SMOC1: variants seen among roughly 807,000 people sequenced by gnomAD.
SMOC1 encodes the protein SPARC related modular calcium binding 1.
Under a neutral mutation model 56.3 loss-of-function variants are expected in SMOC1, and 22 were observed. The ratio of observed to expected loss-of-function variants is 0.39; its 90% CI spans 0.28 to 0.56. SMOC1 has a LOEUF of 0.56. SMOC1 is among the 20% of genes least tolerant of loss of function. The pLI is 0.61. For missense variants in SMOC1, 509 were observed against 565.4 expected (o/e 0.90, Z 1.01); for synonymous variants, 193 against 215.0 (o/e 0.90, Z 0.89).
chr14:69,902,664 C>T (rs1038913072), intron 1 of SMOC1, among the ~76,000 whole-genome samples: 19 of 151,908 alleles, frequency 1.3e-4, no homozygotes, highest in East Asian at 3.9e-4. Context: ...CCTCTGATGC[C>T]GAGCCGAAGC....
chr14:69,890,493 C>T (rs963379983), intron 1 of SMOC1, among the ~76,000 whole-genome samples: 6 of 152,038 alleles, frequency 3.9e-5, no homozygotes, highest in Admixed American at 3.3e-4. Flanking sequence ...AACACAATTT[C>T]GTTTACAATG....
intron 1 of SMOC1, among the ~76,000 whole-genome samples, chr14:69,882,362 A>G (rs1427824624): frequency 1.3e-5 from 2 of 152,122 alleles, no homozygotes; most frequent in Non-Finnish European, 2.9e-5. Context: ...TTTCAGTTTA[A>G]CTTTATCTGG....
chr14:69,974,235 G>A (rs1445018012), intron 3 of SMOC1, among the ~76,000 whole-genome samples: 2 of 152,268 alleles, frequency 1.3e-5, no homozygotes, highest in South Asian at 2.1e-4. Context: ...CAGTGATAAG[G>A]GCTGTGATTT....
At chr14:69,912,128 C>T (rs1884569977) in intron 1 of SMOC1, among the ~76,000 whole-genome samples, 1 of 152,050 alleles carries the variant, frequency 6.6e-6, no homozygotes, top group South Asian at 2.1e-4. Flanking sequence ...GATGTTGTTT[C>T]CAAATGAAGT....
intron 7 of SMOC1, among the ~76,000 whole-genome samples, chr14:69,994,866 C>T (rs372774571): frequency 6.6e-6 from 1 of 152,276 alleles, no homozygotes; most frequent in East Asian, 1.9e-4. Context: ...ACAGTCATGT[C>T]TTCTCTGGTC....
intron 1 of SMOC1, among the ~76,000 whole-genome samples, chr14:69,891,960 A>G (rs536404990): frequency 1.5e-3 from 229 of 152,260 alleles, no homozygotes; most frequent in African/African-American, 5.3e-3. Flanking sequence ...TTTGTAAATT[A>G]CCTGCCCAGG....
At chr14:70,023,500 C>T in intron 11 of SMOC1, 53 bp downstream of exon 11, 1 of 1,612,490 alleles carries the variant, frequency 6.2e-7, no homozygotes, top group Non-Finnish European at 8.5e-7. Context: ...CCCACCCAGG[C>T]ATGGGACCAA....
chr14:69,933,159 G>A (rs985665847), intron 1 of SMOC1, among the ~76,000 whole-genome samples: 3 of 152,138 alleles, frequency 2.0e-5, no homozygotes, highest in Admixed American at 6.5e-5. Flanking sequence ...ACATCTTTAC[G>A]ATATAGTTTT....
intron 1 of SMOC1, among the ~76,000 whole-genome samples, chr14:69,911,030 G>T (rs1176436211): frequency 6.6e-6 from 1 of 152,160 alleles, no homozygotes; most frequent in Non-Finnish European, 1.5e-5. Flanking sequence ...CTGGGAGTTG[G>T]GCAGCTGCAA....
chr14:69,991,586 C>A (rs1190690832), intron 5 of SMOC1, among the ~76,000 whole-genome samples: 2 of 152,136 alleles, frequency 1.3e-5, no homozygotes, highest in Non-Finnish European at 2.9e-5. Context: ...TAACTCCTGA[C>A]CTGCAGAGGT....
At chr14:70,028,769 G>A (rs758209179) in intron 11 of SMOC1, among the ~76,000 whole-genome samples, 1 of 152,150 alleles carries the variant, frequency 6.6e-6, no homozygotes, top group Admixed American at 6.5e-5. Context: ...GCCTGCCTTG[G>A]GGCTGTCACC....
At chr14:69,991,902 G>A (rs1156887938) in intron 5 of SMOC1, among the ~76,000 whole-genome samples, 6 of 152,160 alleles carry the variant, frequency 3.9e-5, no homozygotes, top group Non-Finnish European at 8.8e-5. Context: ...AAACAGTGAG[G>A]AGATTGGAAG....
At chr14:70,013,275 T>C in intron 9 of SMOC1, 111 bp from the exon 10 acceptor site, 1 of 941,596 alleles carries the variant, frequency 1.1e-6, no homozygotes, top group South Asian at 1.4e-5. Flanking sequence ...CTAAAGTGGA[T>C]TTGGCTGGAC....
At chr14:69,967,041 G>A (rs370849682) in intron 3 of SMOC1, among the ~76,000 whole-genome samples, 39 of 152,294 alleles carry the variant, frequency 2.6e-4, no homozygotes, top group African/African-American at 9.1e-4. Context: ...GATTTCAGAT[G>A]TGGTCATGAG....
intron 7 of SMOC1, among the ~76,000 whole-genome samples, chr14:69,998,956 C>T (rs1566705059): frequency 6.6e-6 from 1 of 152,192 alleles, no homozygotes; most frequent in Non-Finnish European, 1.5e-5. Context: ...GCCTTTCCTC[C>T]CTTGCCTCTT....
chr14:69,907,269 T>A (rs540698017), intron 1 of SMOC1, among the ~76,000 whole-genome samples: 82 of 152,190 alleles, frequency 5.4e-4, no homozygotes, highest in Admixed American at 1.2e-3. Context: ...ATAGCAAAAA[T>A]TAGTTAACTT....
At chr14:70,027,826 T>C (rs1249225822) in intron 11 of SMOC1, among the ~76,000 whole-genome samples, 2 of 152,002 alleles carry the variant, frequency 1.3e-5, no homozygotes, top group East Asian at 3.9e-4. Flanking sequence ...CAAAAGAAAT[T>C]GGTAGCGGTA....
At chr14:69,919,093 T>C (rs528001705) in intron 1 of SMOC1, among the ~76,000 whole-genome samples, 1 of 152,304 alleles carries the variant, frequency 6.6e-6, no homozygotes, top group East Asian at 1.9e-4. Context: ...GTTGAGAAGT[T>C]CTGACTTAGG....
At chr14:69,914,869 C>T (rs1018924487) in intron 1 of SMOC1, among the ~76,000 whole-genome samples, 7 of 145,472 alleles carry the variant, frequency 4.8e-5, no homozygotes, top group African/African-American at 1.6e-4. Flanking sequence ...TTATTTTATT[C>T]ATTCATTCAT....
Sources: allele counts gnomAD v4.1 joint callset (sites outside exome capture counted in the v4.1 genomes callset), GRCh38; gene constraint gnomAD v4.1.1; transcripts MANE v1.5; gene names NCBI Gene and HGNC (gene_info 2026-07-23, HGNC 2026-07-21).